Variants in GRIP1 observed in about 807,000 individuals in gnomAD.
The protein encoded by GRIP1 is glutamate receptor interacting protein 1, also known as glutamate receptor-interacting protein 1.
GRIP1 carries 45 observed loss-of-function variants against 129.9 expected under a neutral mutation model. The ratio of observed to expected loss-of-function variants is 0.35; its 90% CI spans 0.27 to 0.44. The LOEUF (loss-of-function observed/expected upper bound fraction) is 0.44, where lower values mean the gene tolerates loss of function less well. Among genes scored for constraint, GRIP1 ranks in the 20% least tolerant of loss-of-function variants. The pLI is 1.00. For synonymous variants in GRIP1, 530 were observed against 520.8 expected, an observed-to-expected ratio of 1.02 and a Z score of -0.24; for missense variants, 1,196 against 1,396.8, an observed-to-expected ratio of 0.86 and a Z score of 2.29.
chr12:66,422,326 C>T (rs2057832124), intron 14 of GRIP1, among the ~76,000 whole-genome samples: 1 of 152,184 alleles, frequency 6.6e-6, no homozygotes, highest in South Asian at 2.1e-4. Flanking sequence ...AAAACATTCT[C>T]TTCACTACAA....
chr12:66,365,713 T>C (rs2055100712), intron 23 of GRIP1, among the ~76,000 whole-genome samples: 1 of 152,218 alleles, frequency 6.6e-6, no homozygotes, highest in Non-Finnish European at 1.5e-5. Flanking sequence ...CACTTCTCTT[T>C]GTGAATGGAT....
At chr12:66,552,700 C>T (rs975596415) in intron 2 of GRIP1, among the ~76,000 whole-genome samples, 1 of 152,186 alleles carries the variant, frequency 6.6e-6, no homozygotes, top group Admixed American at 6.6e-5. Context: ...AAGCTAGCCT[C>T]AAGCAGACTC....
rs181574441 is a variant in GRIP1 at position 66,504,496 on chromosome 12, C to T, written c.724+11123G>A. ...GTGGGTGTGGGATGGTAATAAGATGCATTTGTAATCATATGTACCTGTAGT... is the reference window on the plus strand; with the variant it reads ...GTGGGTGTGGGATGGTAATAAGATGTATTTGTAATCATATGTACCTGTAGT... On this transcript the variant is annotated intron_variant, in intron 7 of 24. Coordinates refer to ENST00000359742, the MANE Select transcript of GRIP1 (RefSeq NM_001366722.1). 3.9e-3 allele frequency among the ~76,000 whole-genome samples: 598 copies of T among 152,224 alleles called. 10 individuals carry two copies. The highest frequency in any genetic ancestry group is 1.3e-3 in the Non-Finnish European group (87 of 68,004).
Position 66,349,174 on chromosome 12 carries a change from G to A in GRIP1, c.3232C>T (p.Leu1078=), listed in dbSNP as rs997574980. The part of the protein sequence containing the change: ...VPLIAESGNK[L]DLVISRNPLA... ...GGGTTTCTACTAATAACCAGGTCCA[G>A]CTTATTCCCGGATTCTGCTATGAGG... The change falls in exon 25 of 25, where the codon CTG becomes TTG. Residue 1078 remains leucine (L), a synonymous_variant. Coordinates refer to ENST00000359742, the MANE Select transcript of GRIP1 (RefSeq NM_001366722.1). The A allele has an allele frequency of 6.2e-7, 1 of 1,614,066 alleles. No individual in the cohort carries two copies. Among genetic ancestry groups the A allele is most frequent in the Non-Finnish European group, 8.5e-7 (1 of 1,179,946 alleles).
chr12:66,579,139 C>T (rs929413928), intron 2 of GRIP1, among the ~76,000 whole-genome samples: 1 of 152,206 alleles, frequency 6.6e-6, no homozygotes, highest in Non-Finnish European at 1.5e-5. Flanking sequence ...TGCTGATACC[C>T]AGGCAAACAG....
intron 7 of GRIP1, among the ~76,000 whole-genome samples, chr12:66,484,855 TA>T (rs1378677905): frequency 6.6e-6 from 1 of 152,214 alleles, no homozygotes; most frequent in Non-Finnish European, 1.5e-5. Flanking sequence ...AAAGAAATTA[TA>T]AATGTTTGAG....
At chr12:67,065,087 AT>A (rs1411827880) in intron 1 of GRIP1, 1 of 151,950 alleles carries the variant, frequency 6.6e-6, no homozygotes, top group Non-Finnish European at 1.5e-5. Context: ...TGAACTCATC[AT>A]TTTTTATGGC....
rs750092143 is a variant in GRIP1 at position 66,455,490 on chromosome 12, G to A, written c.1273C>T (p.Leu425=). 1.9e-6 allele frequency: 3 copies of A among 1,613,598 alleles called. No individual in the cohort carries two copies. The Admixed American group carries it at 5.0e-5, about 27-fold the overall frequency. ...YSLSSLNMGT[L]PRSLYSTSPR... is the part of the protein sequence containing the mutation. ...CTGGTGGAGTAGAGGCTTCGAGGTA[G>A]AGTCCCCATGTTCAGGGAACTCAGG... is the stretch of plus-strand genomic sequence containing the variant. Residue 425 remains leucine (L), a synonymous_variant, in exon 11 of 25, where the codon CTA becomes TTA. Transcript: ENST00000359742.
At chr12:66,584,170 A>C (rs2063517912) in intron 2 of GRIP1, among the ~76,000 whole-genome samples, 1 of 149,034 alleles carries the variant, frequency 6.7e-6, no homozygotes, top group East Asian at 2.0e-4. Flanking sequence ...AAAAAACCAA[A>C]CACCGCATAT....
At chr12:66,473,940 GCTC>G (rs568925134) in intron 7 of GRIP1, among the ~76,000 whole-genome samples, 19 of 152,220 alleles carry the variant, frequency 1.2e-4, no homozygotes, top group Middle Eastern at 3.4e-3. Flanking sequence ...GAGGATCACA[GCTC>G]CTCGCCAGCA....
Position 66,444,738 on chromosome 12 carries a change from G to T in GRIP1, c.1542-9C>A. ...TCTGTAGCACCCCACATCTAATTTA[G>T]AACCACATGTGAGAGGTTGTAGATG... On this transcript the variant is annotated splice_polypyrimidine_tract_variant and intron_variant, in intron 12 of 24. Coordinates refer to ENST00000359742, the MANE Select transcript of GRIP1 (RefSeq NM_001366722.1). 1 of 1,613,656 alleles carries T rather than the reference G, an allele frequency of 6.2e-7. No individual in the cohort carries two copies. The highest frequency in any genetic ancestry group is 8.5e-7 in the Non-Finnish European group (1 of 1,179,624).
chr12:66,600,359 CA>C (rs879540488), intron 1 of GRIP1, among the ~76,000 whole-genome samples: 81 of 151,654 alleles, frequency 5.3e-4, no homozygotes, highest in African/African-American at 1.9e-3. Context: ...TATAAACGAA[CA>C]AAAAAAAGGT....
chr12:66,723,261 TTCC>T, intron 1 of GRIP1, among the ~76,000 whole-genome samples: 1 of 10,426 alleles, frequency 9.6e-5, no homozygotes, highest in African/African-American at 5.1e-4. Context: ...CCTTCCTTCC[TTCC>T]TTCCTTCCTT....
chr12:67,039,787 C>G (rs1038461058), intron 1 of GRIP1, among the ~76,000 whole-genome samples: 1 of 152,112 alleles, frequency 6.6e-6, no homozygotes, highest in African/African-American at 2.4e-5. Flanking sequence ...AGTTCTAGGC[C>G]TTCTTGAGTG....
At chr12:66,607,965 G>A (rs2064612150) in intron 1 of GRIP1, among the ~76,000 whole-genome samples, 2 of 152,144 alleles carry the variant, frequency 1.3e-5, no homozygotes, top group African/African-American at 2.4e-5. Context: ...GCAGGCCAGT[G>A]TCATTATACA....
At chr12:66,677,888 C>T (rs953869594) in intron 1 of GRIP1, among the ~76,000 whole-genome samples, 1 of 152,140 alleles carries the variant, frequency 6.6e-6, no homozygotes, top group Non-Finnish European at 1.5e-5. Context: ...AGGTTCAGAG[C>T]TTCTAGAACA....
chr12:66,940,156 G>A (rs767971135), intron 1 of GRIP1, among the ~76,000 whole-genome samples: 57 of 126,458 alleles, frequency 4.5e-4, no homozygotes, highest in Admixed American at 1.1e-3. Context: ...ACCTGTGTAC[G>A]TGTGTGTGTG....
chr12:66,977,807 ATTTTTTTTT>A (rs200381983), intron 1 of GRIP1, among the ~76,000 whole-genome samples: 3 of 60,274 alleles, frequency 5.0e-5, no homozygotes, highest in East Asian at 9.9e-4. Context: ...AGAGCTGAGC[ATTTTTTTTT>A]TTTTTTTTTT....
chr12:66,537,197 C>G (rs2061630972), intron 4 of GRIP1, among the ~76,000 whole-genome samples: 2 of 152,082 alleles, frequency 1.3e-5, no homozygotes, highest in African/African-American at 4.8e-5. Flanking sequence ...CATAACAAAT[C>G]TATGAGTAGG....
Sources: allele counts gnomAD v4.1 joint callset (sites outside exome capture counted in the v4.1 genomes callset), GRCh38; gene constraint gnomAD v4.1.1; transcripts MANE v1.5; gene names NCBI Gene and HGNC (gene_info 2026-07-23, HGNC 2026-07-21).